The following TET1 variants were observed in gnomAD, a reference collection of about 807,000 sequenced individuals.
The protein encoded by TET1 is tet methylcytosine dioxygenase 1.
A neutral mutation model predicts 148.7 loss-of-function variants in TET1; 13 were observed. The observed-to-expected ratio is 0.09, with a 90% CI of 0.06 to 0.14. TET1 has a LOEUF of 0.14. TET1 is among the 10% of genes least tolerant of loss of function. The pLI is 1.00. For missense variants in TET1, 2,182 were observed against 2,553.8 expected, an observed-to-expected ratio of 0.85 and a Z score of 3.14; for synonymous variants, 907 against 937.2, an observed-to-expected ratio of 0.97 and a Z score of 0.59.
In TET1 at chr10:68,573,922, G is replaced by A. The variant is rs1281136098; in HGVS notation, c.1584G>A (p.Leu528=). The A allele has an allele frequency of 6.2e-7, 1 of 1,614,142 alleles. No individual in the cohort carries two copies. The highest frequency in any genetic ancestry group is 8.5e-7 in the Non-Finnish European group (1 of 1,180,022). ...APERGLFHAS[L]GIAQLSQAGP... The stretch of plus-strand genomic sequence containing the variant: ...AGAGAGGACTCTTCCATGCTTCACT[G>A]GGTATAGCCCAACTCTCTCAGGCTG... The change falls in exon 2 of 12, where the codon CTG becomes CTA. Residue 528 remains leucine, a synonymous_variant. Transcript: ENST00000373644.
intron 3 of TET1, among the ~76,000 whole-genome samples, chr10:68,640,809 C>G (rs1316824817): frequency 2.0e-5 from 3 of 151,296 alleles, no homozygotes; most frequent in African/African-American, 7.3e-5. Context: ...CCTTGGCCTC[C>G]CAAAGTGCTG....
chr10:68,613,950 A>T (rs2054253384), intron 3 of TET1, among the ~76,000 whole-genome samples: 1 of 152,194 alleles, frequency 6.6e-6, no homozygotes, highest in Admixed American at 6.6e-5. Context: ...AAAAAAAAAA[A>T]AAAAATTGCT....
chr10:68,590,459 C>G (rs528984720), intron 2 of TET1, among the ~76,000 whole-genome samples: 1 of 152,148 alleles, frequency 6.6e-6, no homozygotes, highest in African/African-American at 2.4e-5. Context: ...TCCAATATTG[C>G]ATATAACTCT....
At chr10:68,655,808 A>C (rs1647687335) in intron 6 of TET1, among the ~76,000 whole-genome samples, 1 of 152,196 alleles carries the variant, frequency 6.6e-6, no homozygotes, top group Non-Finnish European at 1.5e-5. Flanking sequence ...GCACTAACCC[A>C]GGGGACTCCA....
intron 6 of TET1, among the ~76,000 whole-genome samples, chr10:68,661,506 T>A (rs1280081723): frequency 4.0e-5 from 6 of 151,610 alleles, no homozygotes; most frequent in Non-Finnish European, 2.9e-5. Context: ...ATTTTCTGTT[T>A]TTTGAGACAG....
At chr10:68,569,300 G>T (rs1198774656) in intron 1 of TET1, among the ~76,000 whole-genome samples, 1 of 148,510 alleles carries the variant, frequency 6.7e-6, no homozygotes, top group Non-Finnish European at 1.5e-5. Flanking sequence ...AGCTTCCCAA[G>T]TAGTTGGGAC....
chr10:68,602,037 C>A (rs1183497727), intron 3 of TET1, among the ~76,000 whole-genome samples: 1 of 152,144 alleles, frequency 6.6e-6, no homozygotes, highest in Non-Finnish European at 1.5e-5. Context: ...CACGGAGAAC[C>A]AAACCTTGCC....
chr10:68,601,302 C>A (rs529979627), intron 3 of TET1, among the ~76,000 whole-genome samples: 2 of 152,206 alleles, frequency 1.3e-5, no homozygotes, highest in East Asian at 3.9e-4. Flanking sequence ...ATTTGTTTTT[C>A]TTTATAGCTC....
At chr10:68,602,357 C>G (rs907837832) in intron 3 of TET1, among the ~76,000 whole-genome samples, 1 of 152,178 alleles carries the variant, frequency 6.6e-6, no homozygotes, top group African/African-American at 2.4e-5. Context: ...AAAGCTCCTT[C>G]TATACTTTCT....
intron 1 of TET1, among the ~76,000 whole-genome samples, chr10:68,561,442 G>T (rs1320592704): frequency 6.6e-6 from 1 of 152,188 alleles, no homozygotes; most frequent in African/African-American, 2.4e-5. Flanking sequence ...AGTGTGTTCT[G>T]TCAAAATGGC....
chr10:68,688,418 G>C (rs548129741), intron 11 of TET1, among the ~76,000 whole-genome samples: 2 of 135,614 alleles, frequency 1.5e-5, no homozygotes, highest in Admixed American at 1.6e-4. Context: ...AACCTCAATT[G>C]TCTTTTGATA....
At chr10:68,638,770 TGTG>T in intron 3 of TET1, among the ~76,000 whole-genome samples, 1 of 34,224 alleles carries the variant, frequency 2.9e-5, no homozygotes, top group Non-Finnish European at 7.4e-5. Flanking sequence ...GGAGTTTGTG[TGTG>T]TGTGTGTGTG....
rs761109513 is a variant in TET1, at chr10:68,645,281, A to G, written c.2552A>G (p.Asn851Ser). ...ATAAATCATCATGCTAGTATACACA[A>G]TGAAGGTGATCAACCAAAAACTCCT... ...SIINHHASIHNEGDQPKTPEN... is the reference protein window; with the variant it reads ...SIINHHASIHSEGDQPKTPEN... Residue 851 changes from asparagine (N) to serine (S), a missense_variant, in exon 4 of 12, where the codon AAT becomes AGT. Asn to Ser is a conservative substitution (Grantham distance 46). Transcript: ENST00000373644. 31 of 1,614,058 alleles carry G rather than the reference A, an allele frequency of 1.9e-5. No individual in the cohort carries two copies. In the African/African-American group the frequency reaches 2.5e-4, roughly 13 times the overall value.
chr10:68,686,717 A>G lies in TET1; in HGVS notation c.5404+10A>G, dbSNP rs779770869. The stretch of plus-strand genomic sequence containing the variant: ...TCACTGCCAACCTTAGGTGAGCCCT[A>G]TGGAACCTGGTAATCTCTGCACAAC... On this transcript the variant is annotated intron_variant, in intron 11 of 11. Coordinates refer to ENST00000373644, the MANE Select transcript of TET1 (RefSeq NM_030625.3). The G allele has an allele frequency of 8.7e-6, 14 of 1,604,014 alleles. No homozygotes were observed. The African/African-American group carries it at 1.1e-4, about 12-fold the overall frequency.
chr10:68,666,463 G>C (rs2055196885), intron 6 of TET1, among the ~76,000 whole-genome samples: 1 of 152,172 alleles, frequency 6.6e-6, no homozygotes, highest in African/African-American at 2.4e-5. Context: ...AATGTTGAGA[G>C]TTCTTGGTTA....
intron 2 of TET1, among the ~76,000 whole-genome samples, chr10:68,594,836 G>A (rs371093285): frequency 6.6e-6 from 1 of 151,852 alleles, no homozygotes; most frequent in Non-Finnish European, 1.5e-5. Context: ...AAAATTAGCC[G>A]GGCGTGGTGG....
At chr10:68,574,895 C>T (rs2053711017) in intron 2 of TET1, among the ~76,000 whole-genome samples, 2 of 152,084 alleles carry the variant, frequency 1.3e-5, no homozygotes, top group Non-Finnish European at 2.9e-5. Context: ...AGTTTATGAA[C>T]CTAAGGTAGT....
At chr10:68,571,841 C>T (rs923429910) in intron 1 of TET1, among the ~76,000 whole-genome samples, 58 of 151,800 alleles carry the variant, frequency 3.8e-4, no homozygotes, top group African/African-American at 1.1e-3. Context: ...TTTAACTGGC[C>T]GGGCACGCTG....
At chr10:68,610,786 G>C (rs551038234) in intron 3 of TET1, among the ~76,000 whole-genome samples, 4 of 151,992 alleles carry the variant, frequency 2.6e-5, no homozygotes, top group South Asian at 4.1e-4. Flanking sequence ...CTCCCAAATA[G>C]CTGGGACCAT....
Sources: allele counts gnomAD v4.1 joint callset (sites outside exome capture counted in the v4.1 genomes callset), GRCh38; gene constraint gnomAD v4.1.1; transcripts MANE v1.5; gene names NCBI Gene and HGNC (gene_info 2026-07-23, HGNC 2026-07-21).